The following CHCHD6 variants were observed in gnomAD, a reference collection of about 807,000 sequenced individuals.
CHCHD6 encodes the protein coiled-coil-helix-coiled-coil-helix domain containing 6.
CHCHD6 carries 28 observed loss-of-function variants against 32.3 expected under a neutral mutation model. The ratio of observed to expected loss-of-function variants is 0.87; its 90% CI spans 0.64 to 1.19. CHCHD6 has a LOEUF of 1.19. Among genes scored for constraint, CHCHD6 ranks in the 50% most tolerant of loss-of-function variants. The probability of loss-of-function intolerance (pLI) is 0.00; values close to 1 mark genes in which losing one functional copy is unlikely to be tolerated. For missense variants in CHCHD6, 333 were observed against 307.0 expected (o/e 1.08, Z -0.63); for synonymous variants, 122 against 117.5 (o/e 1.04, Z -0.25).
At chr3:126,887,282 T>TA (rs2077691701) in intron 5 of CHCHD6, among the ~76,000 whole-genome samples, 1 of 152,146 alleles carries the variant, frequency 6.6e-6, no homozygotes, top group African/African-American at 2.4e-5. Flanking sequence ...AGAGTGGGGC[T>TA]ATTGATAATT....
intron 6 of CHCHD6, among the ~76,000 whole-genome samples, chr3:126,955,748 G>A (rs2078774898): frequency 6.6e-6 from 1 of 152,212 alleles, no homozygotes. Context: ...TTAGGCATGG[G>A]TATGTGACCT....
rs939446535 is a variant in CHCHD6 at position 126,719,265 on chromosome 3, C to T, written c.88-7813C>T. On this transcript the variant is annotated intron_variant, in intron 1 of 7. Transcript: ENST00000290913. ...TCAGTCCTTCTCAGAGACTGTGCTT[C>T]TCCCCTCTCCTGGAACTAGGTTTCA... Among the ~76,000 whole-genome samples, 5 of 152,368 alleles carry T rather than the reference C, an allele frequency of 3.3e-5. No homozygotes were observed. In the South Asian group the frequency reaches 6.2e-4, roughly 19 times the overall value.
rs189011253 is a variant in CHCHD6, at chr3:126,843,866, A to G, written c.412-8781A>G. ...CTTTTCAGTAGCTTCCATTTATATC[A>G]TTATGTTTACATTTTCTTTAAATCC... On this transcript the variant is annotated intron_variant, in intron 4 of 7. Transcript: ENST00000290913. Among the ~76,000 whole-genome samples, 36 of 152,240 alleles carry G rather than the reference A, an allele frequency of 2.4e-4. No individual in the cohort carries two copies. In the East Asian group the frequency reaches 5.2e-3, roughly 22 times the overall value.
At chr3:126,712,197 A>C (rs904468501) in intron 1 of CHCHD6, among the ~76,000 whole-genome samples, 1 of 152,216 alleles carries the variant, frequency 6.6e-6, no homozygotes, top group Admixed American at 6.5e-5. Context: ...GAATGACAGC[A>C]GGGGACTGTC....
chr3:126,905,283 TAC>T (rs2077989018), intron 5 of CHCHD6, among the ~76,000 whole-genome samples: 1 of 152,188 alleles, frequency 6.6e-6, no homozygotes, highest in African/African-American at 2.4e-5. Context: ...TGTGTCTTGG[TAC>T]AGCACACTGG....
chr3:126,880,356 G>T (rs1040664391), intron 5 of CHCHD6, among the ~76,000 whole-genome samples: 2 of 152,128 alleles, frequency 1.3e-5, no homozygotes, highest in Non-Finnish European at 2.9e-5. Context: ...CATGCCTCGG[G>T]AGAAAGACCA....
At chr3:126,882,547 T>C (rs1289913382) in intron 5 of CHCHD6, among the ~76,000 whole-genome samples, 3 of 152,236 alleles carry the variant, frequency 2.0e-5, no homozygotes, top group Admixed American at 6.5e-5. Flanking sequence ...TTGATGATAA[T>C]AATCATGATA....
intron 5 of CHCHD6, among the ~76,000 whole-genome samples, chr3:126,871,944 C>T (rs2077478607): frequency 6.6e-6 from 1 of 152,160 alleles, no homozygotes; most frequent in African/African-American, 2.4e-5. Context: ...GGATCACAGG[C>T]ATGAACCACC....
chr3:126,940,204 A>G lies in CHCHD6; in HGVS notation c.567-17212A>G, dbSNP rs1276228443. Among the ~76,000 whole-genome samples the G allele has an allele frequency of 2.0e-5, 3 of 152,242 alleles. No individual in the cohort carries two copies. In the East Asian group the frequency reaches 5.8e-4, roughly 29 times the overall value. On this transcript the variant is annotated intron_variant, in intron 6 of 7. Transcript: ENST00000290913. Reference sequence around the variant, plus strand: ...ACAGAAAAATGCAAAGTTTTAAAAAATCCAGAATCTCTTCCTGCTTCAGTT... The same window carrying G: ...ACAGAAAAATGCAAAGTTTTAAAAAGTCCAGAATCTCTTCCTGCTTCAGTT...
At chr3:126,742,038 A>T (rs1936308062) in intron 4 of CHCHD6, among the ~76,000 whole-genome samples, 2 of 152,212 alleles carry the variant, frequency 1.3e-5, no homozygotes, top group Admixed American at 6.5e-5. Flanking sequence ...CTGCTAGAGA[A>T]GAGAATCTGC....
At chr3:126,838,209 T>C (rs1449139880) in intron 4 of CHCHD6, among the ~76,000 whole-genome samples, 1 of 152,222 alleles carries the variant, frequency 6.6e-6, no homozygotes, top group Non-Finnish European at 1.5e-5. Context: ...TAGAATGTTT[T>C]TTCAAAGTTT....
At chr3:126,876,298 A>C (rs1279064379) in intron 5 of CHCHD6, among the ~76,000 whole-genome samples, 1 of 152,234 alleles carries the variant, frequency 6.6e-6, no homozygotes, top group Non-Finnish European at 1.5e-5. Flanking sequence ...GATGAGTTCA[A>C]ATGATACAGA....
intron 1 of CHCHD6, among the ~76,000 whole-genome samples, chr3:126,721,122 A>G (rs1370031997): frequency 6.6e-6 from 1 of 152,198 alleles, no homozygotes; most frequent in Non-Finnish European, 1.5e-5. Flanking sequence ...CCCTGCAGTC[A>G]GGGCAGCCAC....
chr3:126,883,632 C>G (rs2077641176), intron 5 of CHCHD6, among the ~76,000 whole-genome samples: 1 of 152,198 alleles, frequency 6.6e-6, no homozygotes. Context: ...AACCTTTCTG[C>G]CCGGATTACC....
At chr3:126,747,285 G>A (rs1338109308) in intron 4 of CHCHD6, among the ~76,000 whole-genome samples, 1 of 152,178 alleles carries the variant, frequency 6.6e-6, no homozygotes, top group Non-Finnish European at 1.5e-5. Context: ...TGACTTTGCA[G>A]TTATCCTAAG....
intron 4 of CHCHD6, among the ~76,000 whole-genome samples, chr3:126,838,153 T>C (rs1215627406): frequency 6.6e-6 from 1 of 152,042 alleles, no homozygotes; most frequent in Non-Finnish European, 1.5e-5. Context: ...TAAAAGGAAA[T>C]GGGGGCTGCA....
chr3:126,796,628 C>T (rs563008859), intron 4 of CHCHD6, among the ~76,000 whole-genome samples: 3 of 152,190 alleles, frequency 2.0e-5, no homozygotes, highest in South Asian at 4.2e-4. Flanking sequence ...CCAGATATGC[C>T]CCAGGGAAGG....
chr3:126,758,887 T>C (rs148798668), intron 4 of CHCHD6, among the ~76,000 whole-genome samples: 2 of 152,206 alleles, frequency 1.3e-5, no homozygotes, highest in Non-Finnish European at 2.9e-5. Flanking sequence ...TAGAAGCTCA[T>C]TTCCTTTTGA....
intron 1 of CHCHD6, among the ~76,000 whole-genome samples, chr3:126,725,682 T>C (rs1935496337): frequency 6.6e-6 from 1 of 152,246 alleles, no homozygotes; most frequent in Admixed American, 6.5e-5. Flanking sequence ...TTAGTATTGC[T>C]ACCTTCATCA....
Sources: allele counts gnomAD v4.1 joint callset (sites outside exome capture counted in the v4.1 genomes callset), GRCh38; gene constraint gnomAD v4.1.1; transcripts MANE v1.5; gene names NCBI Gene and HGNC (gene_info 2026-07-23, HGNC 2026-07-21).